The following DDX46 variants were observed in gnomAD, a reference collection of about 807,000 sequenced individuals.
DDX46 encodes the protein DEAD-box helicase 46.
Under a neutral mutation model 134.9 loss-of-function variants are expected in DDX46, and 30 were observed. That is an observed-to-expected ratio of 0.22 (90% CI 0.17 to 0.30). DDX46 has a LOEUF of 0.30. Ranked by LOEUF, DDX46 falls within the 10% of genes least tolerant of loss-of-function variation. The probability of loss-of-function intolerance (pLI) is 1.00; values close to 1 mark genes in which losing one functional copy is unlikely to be tolerated. For synonymous variants in DDX46, 415 were observed against 404.1 expected (o/e 1.03, Z -0.32); for missense variants, 622 against 1,248.7 (o/e 0.50, Z 7.56).
At chr5:134,820,263 GGTTTTT>G (rs200485335) in intron 21 of DDX46, among the ~76,000 whole-genome samples, 1 of 152,162 alleles carries the variant, frequency 6.6e-6, no homozygotes, top group Non-Finnish European at 1.5e-5. Flanking sequence ...TATTTTAAGT[GGTTTTT>G]GTTTTTGTTT....
intron 18 of DDX46, 78 bp downstream of exon 18, chr5:134,811,923 C>A: frequency 6.7e-7 from 1 of 1,499,158 alleles, no homozygotes; most frequent in South Asian, 1.4e-5. Context: ...ATATGGTTAT[C>A]AAGATAGACA....
chr5:134,818,440 G>A lies in DDX46; in HGVS notation c.2833-420G>A, dbSNP rs185055865. 3.7e-3 allele frequency among the ~76,000 whole-genome samples: 551 copies of A among 150,664 alleles called. 3 individuals carry two copies. The highest frequency in any genetic ancestry group is 0.013 in the African/African-American group (526 of 41,168). ...CATAGGGCCCGGTGAGGTGGCTCAC[G>A]CCTGGAATCCCAGCACTTTGGGAGA... On this transcript the variant is annotated intron_variant, in intron 20 of 22. Transcript: ENST00000452510.
At chr5:134,762,251 A>G (rs1435925641) in intron 1 of DDX46, among the ~76,000 whole-genome samples, 1 of 142,526 alleles carries the variant, frequency 7.0e-6, no homozygotes, top group Non-Finnish European at 1.5e-5. Context: ...TCTCTACCCA[A>G]AAAAAAAAAA....
chr5:134,809,364 CTGTTTT>C (rs1286323253), intron 16 of DDX46, among the ~76,000 whole-genome samples: 2 of 152,002 alleles, frequency 1.3e-5, no homozygotes, highest in African/African-American at 2.4e-5. Context: ...TTAGATATTT[CTGTTTT>C]TGTTTTTGTT....
At chr5:134,780,567 T>TC (rs1227766404) in intron 6 of DDX46, among the ~76,000 whole-genome samples, 91 of 135,422 alleles carry the variant, frequency 6.7e-4, no homozygotes, top group African/African-American at 2.7e-3. Flanking sequence ...TTTATCTCAA[T>TC]AAATAAATAA....
intron 15 of DDX46, among the ~76,000 whole-genome samples, chr5:134,802,217 T>C (rs1014856753): frequency 1.4e-5 from 2 of 145,926 alleles, no homozygotes; most frequent in African/African-American, 5.1e-5. Context: ...CAGGCTAAAG[T>C]GCAATGGCAC....
chr5:134,774,127 G>A (rs779217656), intron 5 of DDX46, among the ~76,000 whole-genome samples: 1 of 152,040 alleles, frequency 6.6e-6, no homozygotes, highest in Non-Finnish European at 1.5e-5. Flanking sequence ...GCCTTTTCTC[G>A]CTACTTCTTG....
chr5:134,781,829 G>A, intron 7 of DDX46, 92 bp from the exon 8 acceptor site: 1 of 1,237,966 alleles, frequency 8.1e-7, no homozygotes, highest in Non-Finnish European at 1.1e-6. Context: ...TAGTTTCTAG[G>A]AGAGGAAGAT....
chr5:134,810,991 G>A (rs752843784), intron 16 of DDX46, among the ~76,000 whole-genome samples: 1 of 152,114 alleles, frequency 6.6e-6, no homozygotes, highest in Non-Finnish European at 1.5e-5. Context: ...GGGCAACAGA[G>A]TGAGACTCCA....
chr5:134,762,249 CAAA>C (rs748727468), intron 1 of DDX46, among the ~76,000 whole-genome samples: 7 of 93,394 alleles, frequency 7.5e-5, no homozygotes, highest in Admixed American at 1.2e-4. Context: ...CATCTCTACC[CAAA>C]AAAAAAAAAA....
At chr5:134,775,997 TCACCAATAACA>T (rs1489161025) in intron 5 of DDX46, among the ~76,000 whole-genome samples, 5 of 152,198 alleles carry the variant, frequency 3.3e-5, no homozygotes, top group African/African-American at 1.2e-4. Context: ...TGCTTACTGT[TCACCAATAACA>T]TGAACAGTTG....
rs140271665 is a variant in DDX46, at chr5:134,799,162, C to G, written c.1954+3012C>G. ...ATCCCCTGAGGATACTGAGCGATGA[C>G]TACATTTGTTTATGATTTTTTTAGC... is the stretch of plus-strand genomic sequence containing the variant. On this transcript the variant is annotated intron_variant, in intron 15 of 22. Transcript: ENST00000452510. Among the ~76,000 whole-genome samples, 194 of 152,234 alleles carry G rather than the reference C, an allele frequency of 1.3e-3. 2 individuals are homozygous for G. In the Middle Eastern group the frequency reaches 0.031, roughly 24 times the overall value.
In DDX46 at chr5:134,764,100, A is replaced by G. The variant is rs768833830; in HGVS notation, c.206+8A>G. 11 of 1,587,248 alleles carry G rather than the reference A, an allele frequency of 6.9e-6. No individual in the cohort carries two copies. Among genetic ancestry groups the G allele is most frequent in the Non-Finnish European group, 9.4e-6 (11 of 1,166,534 alleles). On this transcript the variant is annotated splice_region_variant and intron_variant, in intron 2 of 22. Transcript: ENST00000452510. Reference sequence around the variant, plus strand: ...GGACAGGAAGCGTCTGAGGTAAGACATTAATTAATTTCCAAAAGACGAGTG... The same window carrying G: ...GGACAGGAAGCGTCTGAGGTAAGACGTTAATTAATTTCCAAAAGACGAGTG...
At chr5:134,781,411 C>G (rs1173555080) in intron 7 of DDX46, among the ~76,000 whole-genome samples, 165 bp downstream of exon 7, 1 of 152,104 alleles carries the variant, frequency 6.6e-6, no homozygotes, top group African/African-American at 2.4e-5. Flanking sequence ...AGTTAAATAT[C>G]TGTTTAGTGG....
In DDX46 at chr5:134,773,688, C is replaced by T. The variant is rs1369895825; in HGVS notation, c.448-8C>T. 3.9e-6 allele frequency: 6 copies of T among 1,557,320 alleles called. No homozygotes were observed. The highest frequency in any genetic ancestry group is 4.3e-6 in the Non-Finnish European group (5 of 1,156,196). The stretch of plus-strand genomic sequence containing the variant: ...CCCCCATCTCTTTCTTTCTTTTATT[C>T]CCCCAAGAACTTTGACCAGAATAAG... On this transcript the variant is annotated splice_polypyrimidine_tract_variant and splice_region_variant and intron_variant, in intron 4 of 22. Transcript: ENST00000452510.
intron 18 of DDX46, among the ~76,000 whole-genome samples, chr5:134,815,671 C>CACT (rs1755266832): frequency 7.7e-6 from 1 of 129,368 alleles, no homozygotes; most frequent in East Asian, 2.6e-4. Flanking sequence ...GGCGCCATTG[C>CACT]ACTCCAGCCT....
chr5:134,763,793 G>A (rs1366408259), intron 1 of DDX46, 111 bp from the exon 2 acceptor site: 3 of 1,268,676 alleles, frequency 2.4e-6, no homozygotes, highest in East Asian at 5.2e-5. Flanking sequence ...TTCATAAAAA[G>A]TTCTTTGAGT....
rs533447580 is a variant in DDX46, at chr5:134,830,436, A to G, written c.*1730A>G. ...CTGCAATCAGTCCCCCTCTCATACC[A>G]AAGGATGACTGTATATTTCTTAAAT... On this transcript the variant is annotated 3_prime_UTR_variant, in exon 23 of 23. Coordinates refer to ENST00000452510, the MANE Select transcript of DDX46 (RefSeq NM_001300860.2). 1.3e-5 allele frequency: 2 copies of G among 152,316 alleles called. No homozygotes were observed. Among genetic ancestry groups the G allele is most frequent in the East Asian group, 3.9e-4 (2 of 5,190 alleles). The allele number at this position is 152,316 out of a possible 1,614,324, so 9.4% of individuals were successfully genotyped here.
At position 134,794,965 on chromosome 5, in the gene DDX46, T is replaced by A; in HGVS notation, c.1742T>A (p.Val581Glu). ...ARRILSKPIEVQVGGRSVVCS... is the reference protein window; with the variant it reads ...ARRILSKPIEEQVGGRSVVCS... ...AGGATCCTCAGTAAACCTATTGAAG[T>A]ACAAGTTGGAGGCAGGAGTGTGGTT... The change falls in exon 14 of 23, where the codon GTA (valine) becomes GAA (glutamate). Residue 581 changes from valine (V) to glutamate (E), a missense_variant. Val to Glu is a moderately radical substitution (Grantham distance 121, BLOSUM62 -2). Transcript: ENST00000452510. 6.2e-7 allele frequency: 1 copy of A among 1,614,192 alleles called. No homozygotes were observed. Among genetic ancestry groups the A allele is most frequent in the Non-Finnish European group, 8.5e-7 (1 of 1,180,032 alleles).
Sources: gnomAD v4.1 joint callset for allele counts (sites outside exome capture counted in the v4.1 genomes callset) on GRCh38, gnomAD v4.1.1 for gene constraint, MANE v1.5 for transcripts, NCBI Gene and HGNC (gene_info 2026-07-23, HGNC 2026-07-21) for gene names.